Variants in TP53BP1 observed in about 807,000 individuals in gnomAD.
The protein encoded by TP53BP1 is tumor protein p53 binding protein 1.
TP53BP1 carries 61 observed loss-of-function variants against 200.8 expected under a neutral mutation model. The observed-to-expected ratio is 0.30, with a 90% confidence interval of 0.25 to 0.38. TP53BP1 has a LOEUF of 0.38. Among genes scored for constraint, TP53BP1 ranks in the 10% least tolerant of loss-of-function variants. The pLI is 1.00. For synonymous variants in TP53BP1, 822 were observed against 844.3 expected, an observed-to-expected ratio of 0.97 and a Z score of 0.46; for missense variants, 2,144 against 2,371.9, an observed-to-expected ratio of 0.90 and a Z score of 2.00.
In TP53BP1 at chr15:43,455,446, C is replaced by T. The variant is rs950830791; in HGVS notation, c.2716+446G>A. On this transcript the variant is annotated intron_variant, in intron 12 of 27. Transcript: ENST00000382044. ...TTAAAAAAATACAATCCAGGTTGGG[C>T]GTGGTGACTCATCCCTGTAATCCCA... 2.6e-5 allele frequency among the ~76,000 whole-genome samples: 4 copies of T among 152,168 alleles called. No homozygotes were observed. The East Asian group carries it at 5.8e-4, about 22-fold the overall frequency.
chr15:43,407,400 C>T lies in TP53BP1; in HGVS notation c.5917G>A (p.Asp1973Asn), dbSNP rs766550469. 9.3e-6 allele frequency: 15 copies of T among 1,613,960 alleles called. No individual in the cohort carries two copies. The highest frequency in any genetic ancestry group is 8.9e-5 in the East Asian group (4 of 44,898). ...AAGTATCTTTAGTGAGAAACATAATCGTGTTTATATTTTGGATGCTGCTTG... is the reference window on the plus strand; with the variant it reads ...AAGTATCTTTAGTGAGAAACATAATTGTGTTTATATTTTGGATGCTGCTTG... Reference protein sequence around the residue: ...GFKQHPKYKHDYVSH With the variant: ...GFKQHPKYKHNYVSH The change falls in exon 28 of 28, where the codon GAT becomes AAT. Residue 1973 changes from aspartate (D) to asparagine (N), a missense_variant. This residue lies in a region of TP53BP1 where 334 missense variants were observed against 453.4 expected (regional missense o/e 0.74). Transcript: ENST00000382044.
chr15:43,482,534 C>T (rs1248102814), intron 4 of TP53BP1, among the ~76,000 whole-genome samples: 5 of 152,168 alleles, frequency 3.3e-5, no homozygotes, highest in South Asian at 4.1e-4. Context: ...TTTGGGAGGC[C>T]GAAACAGGCG....
chr15:43,420,548 C>G lies in TP53BP1; in HGVS notation c.4438G>C (p.Asp1480His). The change falls in exon 21 of 28, where the codon GAT becomes CAT. Residue 1480 changes from aspartate to histidine, a missense_variant. This residue lies in a region of TP53BP1 where 49 missense variants were observed against 60.7 expected (regional missense o/e 0.81). Transcript: ENST00000382044. Reference protein sequence around the residue: ...IPFQAAAGPSDGLDASSPGNS... With the variant: ...IPFQAAAGPSHGLDASSPGNS... The stretch of plus-strand genomic sequence containing the variant: ...CCTGGAGAGGAGGCATCTAAGCCAT[C>G]AGAAGGGCCAGCAGCAGCCTGGAAA... 1 of 1,614,180 alleles carries G rather than the reference C, an allele frequency of 6.2e-7. No individual in the cohort carries two copies. Among genetic ancestry groups the G allele is most frequent in the South Asian group, 1.1e-5 (1 of 91,084 alleles).
At position 43,438,514 on chromosome 15, in the gene TP53BP1, C is replaced by T; in HGVS notation, c.3099-98G>A. On this transcript the variant is annotated intron_variant, in intron 15 of 27. Transcript: ENST00000382044. ...GCACAGAGGAAATAAAATGCTTTCT[C>T]TGCATATCAAACTCCAAACCACCTT... 3 of 1,014,808 alleles carry T rather than the reference C, an allele frequency of 3.0e-6. No homozygotes were observed. In the Admixed American group the frequency reaches 8.4e-5, roughly 28 times the overall value. The allele number at this position is 1,014,808 out of a possible 1,614,324, so 62.9% of individuals were successfully genotyped here. A position where few individuals can be genotyped will look rare whatever the true frequency, so the allele number is the denominator to read the frequency against.
chr15:43,416,481 G>C, intron 21 of TP53BP1, 65 bp from the exon 22 acceptor site: 3 of 1,510,504 alleles, frequency 2.0e-6, no homozygotes, highest in Non-Finnish European at 2.7e-6. Flanking sequence ...CCTCTCACAA[G>C]GGCTCTGTAA....
chr15:43,479,712 A>G, intron 6 of TP53BP1, 147 bp downstream of exon 6: 2 of 1,171,764 alleles, frequency 1.7e-6, no homozygotes, highest in South Asian at 1.6e-5. Flanking sequence ...ACAATTGACA[A>G]GTATTTACCA....
At chr15:43,443,515 AG>A (rs139471382) in intron 14 of TP53BP1, among the ~76,000 whole-genome samples, 1,615 of 152,118 alleles carry the variant, frequency 0.011, 33 homozygotes, top group African/African-American at 0.037. Context: ...AACATGGCGA[AG>A]CCCCATCTCT....
intron 20 of TP53BP1, 56 bp from the exon 21 acceptor site, chr15:43,420,791 T>C: frequency 3.4e-6 from 5 of 1,490,246 alleles, no homozygotes; most frequent in Non-Finnish European, 4.5e-6. Context: ...CAGAAGTATA[T>C]ATCTACCAAT....
rs1378134864 is a variant in TP53BP1, at chr15:43,455,960, T to C, written c.2648A>G (p.Asp883Gly). 6.2e-7 allele frequency: 1 copy of C among 1,614,216 alleles called. No individual in the cohort carries two copies. Reference sequence around the variant, plus strand: ...CTTCCCCAGCTTCTGGGCCTCTGCATCTGAGCTTAGCTGCTTTGCATTAGC... The same window carrying C: ...CTTCCCCAGCTTCTGGGCCTCTGCACCTGAGCTTAGCTGCTTTGCATTAGC... The part of the protein sequence containing the change: ...KMANAKQLSS[D>G]AEAQKLGKPS... Residue 883 changes from aspartate (D) to glycine (G), a missense_variant, in exon 12 of 28, where the codon GAT (aspartate) becomes GGT (glycine). Asp to Gly is a moderately conservative substitution (Grantham distance 94, BLOSUM62 -1). Around this residue, in one of 4 missense-constraint regions of TP53BP1, gnomAD observed 1,700 missense variants for 1,710.3 expected, o/e 0.99. Coordinates refer to ENST00000382044, the MANE Select transcript of TP53BP1 (RefSeq NM_001141980.3).
At chr15:43,506,455 T>C (rs2079237422) in intron 1 of TP53BP1, among the ~76,000 whole-genome samples, 1 of 152,222 alleles carries the variant, frequency 6.6e-6, no homozygotes, top group African/African-American at 2.4e-5. Flanking sequence ...ATCTTTTGCC[T>C]TGTGCTGACT....
At chr15:43,458,311 A>G (rs2046348709) in intron 11 of TP53BP1, among the ~76,000 whole-genome samples, 2 of 152,020 alleles carry the variant, frequency 1.3e-5, no homozygotes, top group South Asian at 4.1e-4. Context: ...GTGCACCTGT[A>G]GTCCCAGCTA....
chr15:43,407,951 T>A lies in TP53BP1; in HGVS notation c.5738A>T (p.His1913Leu). ...CACACTCTTTCAGGTACCTTTGTTA[T>A]GGGCACTTGAATGGTGCTGCTTCAC... Reference protein sequence around the residue: ...ASVKQHHSSAHNKDIALGVFD... With the variant: ...ASVKQHHSSALNKDIALGVFD... The change falls in exon 27 of 28, where the codon CAT becomes CTT. Residue 1913 changes from histidine (H) to leucine (L), a missense_variant. Physicochemically the swap from His to Leu is moderately conservative, Grantham distance 99. Transcript: ENST00000382044. The A allele has an allele frequency of 6.2e-7, 1 of 1,612,628 alleles. No homozygotes were observed. Among genetic ancestry groups the A allele is most frequent in the Non-Finnish European group, 8.5e-7 (1 of 1,179,860 alleles).
chr15:43,404,469 T>C lies in TP53BP1; in HGVS notation c.*2914A>G. On this transcript the variant is annotated 3_prime_UTR_variant, in exon 28 of 28. Coordinates refer to ENST00000382044, the MANE Select transcript of TP53BP1 (RefSeq NM_001141980.3). The stretch of plus-strand genomic sequence containing the variant: ...AGATTCTCTCCAGTGTTCGGAATCA[T>C]CAGATCAACTCAGATTTGGCTCAAC... The C allele has an allele frequency of 6.2e-7, 1 of 1,614,166 alleles. No homozygotes were observed. Among genetic ancestry groups the C allele is most frequent in the South Asian group, 1.1e-5 (1 of 91,080 alleles).
chr15:43,507,368 C>A (rs1490886366), intron 1 of TP53BP1, among the ~76,000 whole-genome samples: 2 of 152,194 alleles, frequency 1.3e-5, no homozygotes, highest in Non-Finnish European at 2.9e-5. Context: ...CTCCTGACCT[C>A]AGGTGATCCA....
At chr15:43,474,171 G>A (rs970397839) in intron 10 of TP53BP1, among the ~76,000 whole-genome samples, 2 of 152,156 alleles carry the variant, frequency 1.3e-5, no homozygotes, top group East Asian at 1.9e-4. Flanking sequence ...CGGCTGCTCC[G>A]AGTGCAGGAC....
chr15:43,473,623 C>G (rs2046780558), intron 10 of TP53BP1, among the ~76,000 whole-genome samples: 1 of 150,540 alleles, frequency 6.6e-6, no homozygotes, highest in Non-Finnish European at 1.5e-5. Flanking sequence ...CCACGTCCCA[C>G]CAGAGCAGCC....
rs959858439 is a variant in TP53BP1 at position 43,420,204 on chromosome 15, C to T, written c.4681+101G>A. ...AATGAAATTTCTGACTTTAGAGACA[C>T]TGGAAAAGTACCAAGTAATGTCTTG... On this transcript the variant is annotated intron_variant, in intron 21 of 27. Transcript: ENST00000382044. 5.1e-6 allele frequency: 6 copies of T among 1,181,098 alleles called. No individual in the cohort carries two copies. In the Admixed American group the frequency reaches 1.4e-4, roughly 27 times the overall value. The allele number at this position is 1,181,098 out of a possible 1,614,324, so 73.2% of individuals were successfully genotyped here.
intron 12 of TP53BP1, among the ~76,000 whole-genome samples, chr15:43,454,611 C>T (rs1703638413): frequency 6.6e-6 from 1 of 152,160 alleles, no homozygotes; most frequent in Non-Finnish European, 1.5e-5. Context: ...GATCTGCTGG[C>T]CTCAGCCTCC....
chr15:43,454,456 C>T (rs560772224), intron 12 of TP53BP1, among the ~76,000 whole-genome samples: 327 of 151,724 alleles, frequency 2.2e-3, no homozygotes, highest in Admixed American at 4.9e-3. Flanking sequence ...CTCCATCTCC[C>T]GGGTTCAAGT....
Sources: allele counts gnomAD v4.1 joint callset (sites outside exome capture counted in the v4.1 genomes callset), GRCh38; gene constraint gnomAD v4.1.1; regional missense constraint gnomAD v4.1.1; transcripts MANE v1.5; gene names NCBI Gene and HGNC (gene_info 2026-07-23, HGNC 2026-07-21).